The following CYP2C8 variants were observed in gnomAD, a reference collection of about 807,000 sequenced individuals.
CYP2C8 encodes cytochrome P450 2C8.
Under a neutral mutation model 41.3 loss-of-function variants are expected in CYP2C8, and 51 were observed. The ratio of observed to expected loss-of-function variants is 1.24; its 90% confidence interval spans 0.99 to 1.56. The LOEUF (loss-of-function observed/expected upper bound fraction) is 1.56, where lower values mean the gene tolerates loss of function less well. CYP2C8 is among the 40% of genes most tolerant of loss of function. The pLI, the probability that CYP2C8 is intolerant of heterozygous loss-of-function variation, is 0.00. For synonymous variants in CYP2C8, 218 were observed against 205.8 expected, an observed-to-expected ratio of 1.06 and a Z score of -0.51; for missense variants, 651 against 579.9, an observed-to-expected ratio of 1.12 and a Z score of -1.26.
chr10:95,038,909 G>A lies in CYP2C8; in HGVS notation c.1279C>T (p.Pro427Ser), dbSNP rs756095494. 1.2e-6 allele frequency: 2 copies of A among 1,613,886 alleles called. No individual in the cohort carries two copies. The highest frequency in any genetic ancestry group is 4.5e-5 in the East Asian group (2 of 44,870). Residue 427 changes from proline to serine, a missense_variant, in exon 8 of 9, where the codon CCT becomes TCT. Physicochemically the swap from Pro to Ser is moderately conservative, Grantham distance 74 (BLOSUM62 -1). Transcript: ENST00000371270. ...GAGTTTCTATTACCTGCTGAGAAAG[G>A]CATGAAGTAGTCACTTTTCTTAAAG... ...GNFKKSDYFMPFSAGKRICAG... is the reference protein window; with the variant it reads ...GNFKKSDYFMSFSAGKRICAG...
intron 4 of CYP2C8, among the ~76,000 whole-genome samples, chr10:95,064,176 G>A (rs569871360): frequency 3.1e-4 from 47 of 152,308 alleles, no homozygotes; most frequent in Non-Finnish European, 6.2e-4. Context: ...GGACATTTAA[G>A]TGTGCAGAGG....
At position 95,067,229 on chromosome 10, in the gene CYP2C8, C is replaced by T. The variant is rs767098538; in HGVS notation, c.460G>A (p.Glu154Lys). 2.5e-6 allele frequency: 4 copies of T among 1,614,034 alleles called. No individual in the cohort carries two copies. The highest frequency in any genetic ancestry group is 3.3e-5 in the Admixed American group (2 of 59,998). The change falls in exon 3 of 9, where the codon GAG becomes AAG. Residue 154 changes from glutamate (E) to lysine (K), a missense_variant. Transcript: ENST00000371270. ...CCACCCTTGGTTTTTCTCAACTCCT[C>T]CACAAGGCAGTGAGCTTCCTCTTGA... ...RVQEEAHCLV[E>K]ELRKTKASPC...
At chr10:95,042,240 A>T (rs879723798) in intron 7 of CYP2C8, among the ~76,000 whole-genome samples, 51 of 152,224 alleles carry the variant, frequency 3.4e-4, no homozygotes, top group Non-Finnish European at 6.8e-4. Flanking sequence ...AATAAGATAT[A>T]AAATACATAT....
At chr10:95,068,688 A>T in intron 1 of CYP2C8, 6 of 989,838 alleles carry the variant, frequency 6.1e-6, no homozygotes, top group Non-Finnish European at 8.4e-6. Flanking sequence ...AAATGATTAT[A>T]TAATACAATG....
Position 95,069,291 on chromosome 10 carries a change from T to C in CYP2C8, c.112A>G (p.Ile38Val), listed in dbSNP as rs1460248714. The C allele has an allele frequency of 7.4e-6, 12 of 1,613,982 alleles. No homozygotes were observed. The highest frequency in any genetic ancestry group is 8.5e-6 in the Non-Finnish European group (10 of 1,179,922). The change falls in exon 1 of 9, where the codon ATT (isoleucine) becomes GTT (valine). Residue 38 changes from isoleucine to valine, a missense_variant. Ile to Val is a conservative substitution (Grantham distance 29). Coordinates refer to ENST00000371270, the MANE Select transcript of CYP2C8 (RefSeq NM_000770.3). Reference protein sequence around the residue: ...KLPPGPTPLPIIGNMLQIDVK... With the variant: ...KLPPGPTPLPVIGNMLQIDVK... ...TCTATCTGTAGCATATTTCCAATAA[T>C]AGGAAGAGGAGTGGGGCCAGGAGGG...
At chr10:95,053,195 A>G (rs1460336460) in intron 5 of CYP2C8, among the ~76,000 whole-genome samples, 1 of 152,120 alleles carries the variant, frequency 6.6e-6, no homozygotes, top group Non-Finnish European at 1.5e-5. Context: ...TACAATATCC[A>G]CACATAAAAT....
intron 3 of CYP2C8, among the ~76,000 whole-genome samples, chr10:95,066,595 ATAG>A (rs1271985771): frequency 6.6e-6 from 1 of 152,226 alleles, no homozygotes; most frequent in Non-Finnish European, 1.5e-5. Context: ...CAGTTTTCAA[ATAG>A]TACTGTGTTT....
Position 95,055,306 on chromosome 10 carries a change from C to G in CYP2C8, c.819+3029G>C, listed in dbSNP as rs533066326. On this transcript the variant is annotated intron_variant, in intron 5 of 8. Coordinates refer to ENST00000371270, the MANE Select transcript of CYP2C8 (RefSeq NM_000770.3). ...AAACATAAACCTAATCATCTATGCC[C>G]GGTTCATTTTCAACAAATGTACCAA... Among the ~76,000 whole-genome samples, 4 of 152,090 alleles carry G rather than the reference C, an allele frequency of 2.6e-5. No homozygotes were observed. In the South Asian group the frequency reaches 8.3e-4, roughly 32 times the overall value.
intron 6 of CYP2C8, among the ~76,000 whole-genome samples, chr10:95,044,668 C>T (rs1455844574): frequency 2.6e-5 from 4 of 151,896 alleles, no homozygotes; most frequent in Admixed American, 2.0e-4. Flanking sequence ...AAAGTGTCGC[C>T]GAGTACAGGG....
chr10:95,060,774 G>A (rs12255569), intron 4 of CYP2C8, among the ~76,000 whole-genome samples: 6,698 of 152,206 alleles, frequency 0.044, 461 homozygotes, highest in African/African-American at 0.14. Flanking sequence ...GATACTGGCT[G>A]TGGGTTTGTC....
intron 4 of CYP2C8, 106 bp from the exon 5 acceptor site, chr10:95,058,617 C>G: frequency 2.8e-6 from 3 of 1,063,936 alleles, no homozygotes; most frequent in Non-Finnish European, 4.1e-6. Context: ...GACATCATGT[C>G]CATTTTGAAG....
intron 3 of CYP2C8, among the ~76,000 whole-genome samples, chr10:95,066,620 A>G (rs2033573658): frequency 6.6e-6 from 1 of 152,230 alleles, no homozygotes; most frequent in Admixed American, 6.5e-5. Flanking sequence ...CCGAGAAATA[A>G]GAACTGATGA....
chr10:95,052,904 T>G (rs928577772), intron 5 of CYP2C8, among the ~76,000 whole-genome samples: 1 of 152,156 alleles, frequency 6.6e-6, no homozygotes, highest in African/African-American at 2.4e-5. Context: ...ATGCTTACTT[T>G]CACCACTGTT....
intron 1 of CYP2C8, among the ~76,000 whole-genome samples, chr10:95,068,056 C>T (rs2033607764): frequency 6.6e-6 from 1 of 152,212 alleles, no homozygotes. Flanking sequence ...ACTGGAATCT[C>T]TGCTAATTTA....
rs1318434435 is a variant in CYP2C8, at chr10:95,058,461, G to A, written c.693C>T (p.Asn231=). 1 of 1,613,280 alleles carries A rather than the reference G, an allele frequency of 6.2e-7. No homozygotes were observed. Among genetic ancestry groups the A allele is most frequent in the Admixed American group, 1.7e-5 (1 of 59,850 alleles). The change falls in exon 5 of 9, where the codon AAC becomes AAT. Residue 231 remains asparagine (N), a synonymous_variant. Transcript: ENST00000371270. ...TAAGAGCAACATTTTTAAGCACTTT[G>A]TTGTGAGTTCCTGGGAAACAATCAA... The part of the protein sequence containing the change: ...LLIDCFPGTH[N]KVLKNVALTR...
chr10:95,037,052 A>G lies in CYP2C8; in HGVS notation c.*76T>C. On this transcript the variant is annotated 3_prime_UTR_variant, in exon 9 of 9. Transcript: ENST00000371270. Reference sequence around the variant, plus strand: ...GATTTGATGAGAGGTCAGAGAAGACATAATAGTGGGAATGTCCTTGATAAA... The same window carrying G: ...GATTTGATGAGAGGTCAGAGAAGACGTAATAGTGGGAATGTCCTTGATAAA... The G allele has an allele frequency of 2.2e-6, 3 of 1,336,724 alleles. No individual in the cohort carries two copies. Among genetic ancestry groups the G allele is most frequent in the Middle Eastern group, 2.0e-4 (1 of 5,040 alleles). 82.8% of individuals were successfully genotyped at this position (1,336,724 alleles called of 1,614,324 possible).
chr10:95,066,153 A>AGTGT lies in CYP2C8; in HGVS notation c.481+1051_481+1054dup, dbSNP rs113983526. Reference sequence around the variant, plus strand: ...GAGAGAGAGAGAGAGAGAGAGAGAGAGTGTGTGTGTGTGTGTGTGTGTGTG... The same window carrying AGTGT: ...GAGAGAGAGAGAGAGAGAGAGAGAGAGTGTGTGTGTGTGTGTGTGTGTGTGTGTG... On this transcript the variant is annotated intron_variant, in intron 3 of 8. Transcript: ENST00000371270. Among the ~76,000 whole-genome samples the AGTGT allele has an allele frequency of 5.1e-3, 452 of 88,234 alleles. 4 individuals carry two copies. The highest frequency in any genetic ancestry group is 0.011 in the African/African-American group (237 of 22,348). The allele number at this position is 88,234 out of a possible 152,430, so 57.9% of individuals were successfully genotyped here.
At chr10:95,044,290 AG>A (rs1217909656) in intron 6 of CYP2C8, among the ~76,000 whole-genome samples, 2 of 152,344 alleles carry the variant, frequency 1.3e-5, no homozygotes, top group Non-Finnish European at 2.9e-5. Context: ...TGAATACACA[AG>A]ATAGTATGCT....
rs200091061 is a variant in CYP2C8, at chr10:95,048,873, G to GA, written c.820-2923dup. 6.8e-4 allele frequency among the ~76,000 whole-genome samples: 103 copies of GA among 152,142 alleles called. 1 individual carries two copies. In the East Asian group the frequency reaches 0.019, roughly 29 times the overall value. ...GAGACTTGAAATCATAAAAATTCTA[G>GA]AAAAAACCTATAAAAAACTCTTCTG... On this transcript the variant is annotated intron_variant, in intron 5 of 8. Transcript: ENST00000371270.
Sources: gnomAD v4.1 joint callset for allele counts (sites outside exome capture counted in the v4.1 genomes callset) on GRCh38, gnomAD v4.1.1 for gene constraint, MANE v1.5 for transcripts, NCBI Gene and HGNC (gene_info 2026-07-23, HGNC 2026-07-21) for gene names.